Variants in UGT1A10 observed in about 807,000 individuals in gnomAD.
The protein encoded by UGT1A10 is UDP-glucuronosyltransferase 1A10.
UGT1A10 carries 49 observed loss-of-function variants against 45.8 expected under a neutral mutation model. That is an observed-to-expected ratio of 1.07 (90% CI 0.85 to 1.36). The LOEUF (loss-of-function observed/expected upper bound fraction) is 1.36, where lower values mean the gene tolerates loss of function less well. UGT1A10 is among the 40% of genes most tolerant of loss of function. The pLI, the probability that UGT1A10 is intolerant of heterozygous loss-of-function variation, is 0.00. For missense variants in UGT1A10, 745 were observed against 668.6 expected (o/e 1.11, Z -1.26); for synonymous variants, 284 against 249.7 (o/e 1.14, Z -1.29).
At chr2:233,760,549 G>A (rs2125985791) in intron 1 of UGT1A10, 1 of 1,614,268 alleles carries the variant, frequency 6.2e-7, no homozygotes, top group Non-Finnish European at 8.5e-7. Context: ...AAGGGAGGAT[G>A]TGAAAGAGTC....
chr2:233,735,900 C>T (rs1272408320), intron 1 of UGT1A10, among the ~76,000 whole-genome samples: 5 of 152,014 alleles, frequency 3.3e-5, no homozygotes, highest in African/African-American at 9.7e-5. Flanking sequence ...GATGGGCTTC[C>T]CTTTGTGGGT....
intron 1 of UGT1A10, among the ~76,000 whole-genome samples, chr2:233,763,573 C>T (rs1559410117): frequency 1.3e-5 from 2 of 152,188 alleles, no homozygotes; most frequent in African/African-American, 4.8e-5. Flanking sequence ...TTCTTATTTT[C>T]TCTTTCTTCC....
intron 1 of UGT1A10, among the ~76,000 whole-genome samples, chr2:233,685,603 T>G (rs2074745747): frequency 1.3e-5 from 2 of 152,212 alleles, no homozygotes; most frequent in South Asian, 4.1e-4. Flanking sequence ...CCTCCAAGAT[T>G]ATTTATTTCA....
At chr2:233,711,717 G>A (rs2076193718) in intron 1 of UGT1A10, among the ~76,000 whole-genome samples, 1 of 152,198 alleles carries the variant, frequency 6.6e-6, no homozygotes, top group South Asian at 2.1e-4. Flanking sequence ...GGAAGCCTCA[G>A]CTTCACCAGC....
At chr2:233,758,491 A>G (rs953417996) in intron 1 of UGT1A10, among the ~76,000 whole-genome samples, 5 of 152,260 alleles carry the variant, frequency 3.3e-5, no homozygotes, top group African/African-American at 1.2e-4. Context: ...TGTGAATTTC[A>G]GAATTTCTAA....
At chr2:233,712,435 A>T (rs1228007796) in intron 1 of UGT1A10, among the ~76,000 whole-genome samples, 6 of 152,204 alleles carry the variant, frequency 3.9e-5, no homozygotes, top group Admixed American at 3.9e-4. Flanking sequence ...TCCTGGTGTG[A>T]AAAACGACCA....
chr2:233,713,900 A>G, intron 1 of UGT1A10: 1 of 1,613,008 alleles, frequency 6.2e-7, no homozygotes, highest in South Asian at 1.1e-5. Flanking sequence ...TCCAGGCAAA[A>G]CACTTTTTAA....
At chr2:233,688,574 C>G (rs978724420) in intron 1 of UGT1A10, among the ~76,000 whole-genome samples, 1 of 152,144 alleles carries the variant, frequency 6.6e-6, no homozygotes, top group Non-Finnish European at 1.5e-5. Context: ...AACATGAGTT[C>G]ATCTTGTTTT....
chr2:233,690,468 A>G lies in UGT1A10; in HGVS notation c.855+53091A>G. ...CTATTCAAAATGCCAGCTATCCTCC[A>G]TTTACTTTTTGGGAAATCTGCTCTT... On this transcript the variant is annotated intron_variant, in intron 1 of 4. Transcript: ENST00000344644. 3 of 1,289,048 alleles carry G rather than the reference A, an allele frequency of 2.3e-6. No individual in the cohort carries two copies. The South Asian group carries it at 3.7e-5, about 16-fold the overall frequency. 79.9% of individuals were successfully genotyped at this position (1,289,048 alleles called of 1,614,324 possible).
At chr2:233,731,654 T>C (rs1402359717) in intron 1 of UGT1A10, among the ~76,000 whole-genome samples, 1 of 152,254 alleles carries the variant, frequency 6.6e-6, no homozygotes. Context: ...ATGGTGTATA[T>C]GTGCCACATT....
chr2:233,651,319 G>A (rs1056455785), intron 1 of UGT1A10, among the ~76,000 whole-genome samples: 9 of 151,974 alleles, frequency 5.9e-5, no homozygotes, highest in South Asian at 2.1e-4. Flanking sequence ...TCCGAGATAC[G>A]GAAAGCTATG....
chr2:233,731,662 A>G (rs2078189786), intron 1 of UGT1A10, among the ~76,000 whole-genome samples: 1 of 151,984 alleles, frequency 6.6e-6, no homozygotes, highest in African/African-American at 2.4e-5. Flanking sequence ...TATGTGCCAC[A>G]TTTTCTTAAT....
chr2:233,644,865 G>C (rs2073557352), intron 1 of UGT1A10, among the ~76,000 whole-genome samples: 1 of 152,108 alleles, frequency 6.6e-6, no homozygotes, highest in African/African-American at 2.4e-5. Flanking sequence ...TTATGAAGGT[G>C]GTTTTTCCTG....
chr2:233,770,723 A>G (rs1412747955), intron 4 of UGT1A10: 1 of 152,146 alleles, frequency 6.6e-6, no homozygotes, highest in African/African-American at 2.4e-5. Context: ...AAGGAAGATG[A>G]TATTTAACAT....
intron 1 of UGT1A10, chr2:233,649,151 A>C (rs1487240209): frequency 1.8e-6 from 1 of 565,984 alleles, no homozygotes; most frequent in Non-Finnish European, 2.6e-6. Flanking sequence ...TGTGTAAAAA[A>C]TTATTTTGTG....
rs370873300 is a variant in UGT1A10, at chr2:233,657,727, T to G, written c.855+20350T>G. Among the ~76,000 whole-genome samples, 10 of 152,224 alleles carry G rather than the reference T, an allele frequency of 6.6e-5. No individual in the cohort carries two copies. The East Asian group carries it at 1.3e-3, about 20-fold the overall frequency. On this transcript the variant is annotated intron_variant, in intron 1 of 4. Transcript: ENST00000344644. ...AATGGGTATGTAAATTAAATTGCAA[T>G]TTTAATTTGATTTTCCTATTTAAAT...
chr2:233,764,332 A>G (rs1422714629), intron 1 of UGT1A10, among the ~76,000 whole-genome samples: 2 of 152,124 alleles, frequency 1.3e-5, no homozygotes, highest in Non-Finnish European at 2.9e-5. Flanking sequence ...CAAGTAGGGG[A>G]TGGACTTCAC....
chr2:233,720,890 T>A (rs2076904150), intron 1 of UGT1A10, among the ~76,000 whole-genome samples: 3 of 149,442 alleles, frequency 2.0e-5, no homozygotes, highest in African/African-American at 5.0e-5. Context: ...TTTTTTTTTT[T>A]AGTAGAGATG....
chr2:233,654,506 A>G (rs776971202), intron 1 of UGT1A10, among the ~76,000 whole-genome samples: 7 of 152,246 alleles, frequency 4.6e-5, no homozygotes, highest in Non-Finnish European at 7.3e-5. Context: ...TCAGTGATTA[A>G]GGAATAGAAA....
Sources: allele counts gnomAD v4.1 joint callset (sites outside exome capture counted in the v4.1 genomes callset), GRCh38; gene constraint gnomAD v4.1.1; transcripts MANE v1.5; gene names NCBI Gene and HGNC (gene_info 2026-07-23, HGNC 2026-07-21).